SEC23A: variants seen among roughly 807,000 people sequenced by gnomAD.
The protein encoded by SEC23A is SEC23 homolog A, COPII component.
In SEC23A, 56 loss-of-function variants were observed where a neutral mutation model predicts 103.7. That is an observed-to-expected ratio of 0.54 (90% CI 0.44 to 0.67). SEC23A has a LOEUF of 0.67. SEC23A is among the 30% of genes least tolerant of loss of function. The probability of loss-of-function intolerance (pLI) is 0.00; values close to 1 mark genes in which losing one functional copy is unlikely to be tolerated. For missense variants in SEC23A, 784 were observed against 936.4 expected (o/e 0.84, Z 2.12); for synonymous variants, 281 against 293.0 (o/e 0.96, Z 0.42).
chr14:39,052,708 A>G (rs1346384881), intron 14 of SEC23A, among the ~76,000 whole-genome samples: 1 of 152,248 alleles, frequency 6.6e-6, no homozygotes, highest in African/African-American at 2.4e-5. Flanking sequence ...CAAAGTCACA[A>G]TTAGTGAAAA....
In SEC23A at chr14:39,048,653, T is replaced by A; in HGVS notation, c.1736A>T (p.Gln579Leu). 1 of 1,584,756 alleles carries A rather than the reference T, an allele frequency of 6.3e-7. No individual in the cohort carries two copies. Among genetic ancestry groups the A allele is most frequent in the Non-Finnish European group, 8.7e-7 (1 of 1,153,492 alleles). ...AATATGGACCTTTTACCTACTTACC[T>A]GTGGATAAAGGGAGAAAGTTTCTGA... ...RFSETFSLYP[Q>L]FMFHLRRSSF... The change falls in exon 15 of 20, where the codon CAG becomes CTG. Residue 579 changes from glutamine (Q) to leucine (L), a missense_variant and splice_region_variant. Physicochemically the swap from Gln to Leu is moderately radical, Grantham distance 113. Coordinates refer to ENST00000307712, the MANE Select transcript of SEC23A (RefSeq NM_006364.4).
At chr14:39,038,999 A>C (rs1885547015) in intron 19 of SEC23A, 32 bp downstream of exon 19, 1 of 1,538,718 alleles carries the variant, frequency 6.5e-7, no homozygotes, top group Non-Finnish European at 9.0e-7. Flanking sequence ...TACACAAAGA[A>C]ATAATTTCCA....
At chr14:39,064,253 T>C (rs1886581808) in intron 11 of SEC23A, among the ~76,000 whole-genome samples, 1 of 152,168 alleles carries the variant, frequency 6.6e-6, no homozygotes, top group Non-Finnish European at 1.5e-5. Context: ...ATTTTTAAAG[T>C]TGATTACCCA....
intron 1 of SEC23A, among the ~76,000 whole-genome samples, chr14:39,102,420 T>A (rs1327590024): frequency 6.6e-6 from 1 of 152,166 alleles, no homozygotes; most frequent in Non-Finnish European, 1.5e-5. Context: ...GAATTCCACA[T>A]CCCCACTTCA....
intron 15 of SEC23A, among the ~76,000 whole-genome samples, chr14:39,048,190 AC>A (rs1212120206): frequency 6.6e-6 from 1 of 152,222 alleles, no homozygotes; most frequent in East Asian, 1.9e-4. Context: ...TATACTTTTC[AC>A]CAACTACTCG....
chr14:39,060,219 T>A lies in SEC23A; in HGVS notation c.1505+1546A>T, dbSNP rs528303109. 2.6e-5 allele frequency among the ~76,000 whole-genome samples: 4 copies of A among 152,294 alleles called. No homozygotes were observed. In the East Asian group the frequency reaches 7.7e-4, roughly 29 times the overall value. Reference sequence around the variant, plus strand: ...GAATAAATCTAAGGGAAGGTTCAGCTGACATTTTTTCTTCAAATGAATAAT... The same window carrying A: ...GAATAAATCTAAGGGAAGGTTCAGCAGACATTTTTTCTTCAAATGAATAAT... On this transcript the variant is annotated intron_variant, in intron 13 of 19. Coordinates refer to ENST00000307712, the MANE Select transcript of SEC23A (RefSeq NM_006364.4).
At chr14:39,047,440 T>G (rs756457248) in intron 15 of SEC23A, 1 of 1,283,360 alleles carries the variant, frequency 7.8e-7, no homozygotes, top group South Asian at 1.2e-5. Flanking sequence ...GTCTCTCCTC[T>G]GTAAGCATGG....
chr14:39,101,744 T>C (rs1008292344), intron 1 of SEC23A, among the ~76,000 whole-genome samples: 7 of 152,224 alleles, frequency 4.6e-5, no homozygotes, highest in African/African-American at 7.2e-5. Context: ...TCCTTCCAAT[T>C]ACATGTATTT....
At chr14:39,074,266 T>C (rs1217744778) in intron 9 of SEC23A, 149 bp downstream of exon 9, 2 of 647,822 alleles carry the variant, frequency 3.1e-6, no homozygotes, top group Non-Finnish European at 5.5e-6. Context: ...TGTGTTTTAC[T>C]GAAAGGAATA....
chr14:39,076,278 G>A (rs1887016609), intron 7 of SEC23A, among the ~76,000 whole-genome samples, 185 bp from the exon 8 acceptor site: 1 of 151,950 alleles, frequency 6.6e-6, no homozygotes, highest in Non-Finnish European at 1.5e-5. Context: ...AAATCCTATG[G>A]TATATAGTAG....
At chr14:39,072,054 T>C (rs1168021794) in intron 9 of SEC23A, among the ~76,000 whole-genome samples, 1 of 151,934 alleles carries the variant, frequency 6.6e-6, no homozygotes, top group Non-Finnish European at 1.5e-5. Context: ...GCCAACATAA[T>C]GAAACCCTGT....
At chr14:39,040,556 T>C in intron 18 of SEC23A, 176 bp downstream of exon 18, 1 of 724,912 alleles carries the variant, frequency 1.4e-6, no homozygotes, top group Non-Finnish European at 2.3e-6. Flanking sequence ...GTCAATAATC[T>C]TACTGTTTTG....
At chr14:39,064,757 C>T (rs2139231703) in intron 11 of SEC23A, 156 bp downstream of exon 11, 3 of 671,858 alleles carry the variant, frequency 4.5e-6, no homozygotes, top group East Asian at 5.4e-5. Context: ...GGGGGGATAA[C>T]AGGAGGGGAA....
chr14:39,077,098 C>T (rs1208496236), intron 7 of SEC23A, among the ~76,000 whole-genome samples: 1 of 148,992 alleles, frequency 6.7e-6, no homozygotes, highest in East Asian at 2.0e-4. Context: ...CATGGTGGCA[C>T]ATGCTTGTAG....
Position 39,042,773 on chromosome 14 carries a change from A to G in SEC23A, c.1986+13T>C. ...CTTTACATGCATAGCTTTAAATGCT[A>G]TTGAAATCTTACCTCACCATGATAA... On this transcript the variant is annotated intron_variant, in intron 17 of 19. Transcript: ENST00000307712. 1 of 1,549,474 alleles carries G rather than the reference A, an allele frequency of 6.5e-7. No individual in the cohort carries two copies. The highest frequency in any genetic ancestry group is 8.9e-7 in the Non-Finnish European group (1 of 1,121,400).
intron 13 of SEC23A, among the ~76,000 whole-genome samples, chr14:39,058,937 G>A (rs975559155): frequency 6.6e-6 from 1 of 152,110 alleles, no homozygotes; most frequent in Non-Finnish European, 1.5e-5. Context: ...CTACAAAGGT[G>A]ACTTTTTTAA....
intron 11 of SEC23A, 154 bp downstream of exon 11, chr14:39,064,759 G>A: frequency 2.9e-6 from 2 of 681,504 alleles, no homozygotes; most frequent in African/African-American, 1.8e-5. Context: ...GGGGATAACA[G>A]GAGGGGAACA....
intron 5 of SEC23A, chr14:39,091,126 A>C (rs1887647189): frequency 1.3e-5 from 5 of 379,322 alleles, no homozygotes; most frequent in South Asian, 1.2e-4. Context: ...ATGTTCAATA[A>C]AAAAGCTGAA....
chr14:39,059,308 A>AAAAAC (rs1566491612), intron 13 of SEC23A, among the ~76,000 whole-genome samples: 4 of 107,638 alleles, frequency 3.7e-5, no homozygotes, highest in South Asian at 2.9e-4. Flanking sequence ...AAAAAAAAAA[A>AAAAAC]AACAACAAGG....
Sources: allele counts gnomAD v4.1 joint callset (sites outside exome capture counted in the v4.1 genomes callset), GRCh38; gene constraint gnomAD v4.1.1; transcripts MANE v1.5; gene names NCBI Gene and HGNC (gene_info 2026-07-23, HGNC 2026-07-21).